The following SMURF1 variants were observed in gnomAD, a reference collection of about 807,000 sequenced individuals.
SMURF1 encodes the protein E3 ubiquitin-protein ligase SMURF1.
SMURF1 carries 44 observed loss-of-function variants against 98.0 expected under a neutral mutation model. The ratio of observed to expected loss-of-function variants is 0.45; its 90% CI spans 0.35 to 0.58. The LOEUF is 0.58. SMURF1 is among the 20% of genes least tolerant of loss of function. The probability of loss-of-function intolerance (pLI) is 0.00; values close to 1 mark genes in which losing one functional copy is unlikely to be tolerated. For missense variants in SMURF1, 687 were observed against 938.4 expected (o/e 0.73, Z 3.50); for synonymous variants, 396 against 374.9 (o/e 1.06, Z -0.65).
At chr7:99,117,452 G>A (rs1267212414) in intron 1 of SMURF1, among the ~76,000 whole-genome samples, 6 of 152,004 alleles carry the variant, frequency 3.9e-5, no homozygotes, top group Admixed American at 1.3e-4. Flanking sequence ...GGGTTCAAGC[G>A]ATTCTCCTGT....
intron 1 of SMURF1, among the ~76,000 whole-genome samples, chr7:99,137,550 T>C (rs1798020088): frequency 6.6e-6 from 1 of 152,196 alleles, no homozygotes. Context: ...GACATGCTCC[T>C]CCAGACTCCT....
intron 1 of SMURF1, among the ~76,000 whole-genome samples, chr7:99,102,288 CTCTAAAGAGT>C (rs1180106595): frequency 6.6e-6 from 1 of 152,140 alleles, no homozygotes; most frequent in African/African-American, 2.4e-5. Flanking sequence ...ACGCATCTGT[CTCTAAAGAGT>C]TTTGAAAGAG....
chr7:99,105,341 C>T (rs902384145), intron 1 of SMURF1, among the ~76,000 whole-genome samples: 4 of 152,150 alleles, frequency 2.6e-5, no homozygotes, highest in African/African-American at 9.7e-5. Flanking sequence ...ATATAGAATA[C>T]ATAAGCTACA....
chr7:99,133,009 C>G (rs1441125724), intron 1 of SMURF1, among the ~76,000 whole-genome samples: 1 of 152,052 alleles, frequency 6.6e-6, no homozygotes, highest in Non-Finnish European at 1.5e-5. Context: ...AAAGGGATAG[C>G]TCCAAGGAGG....
intron 3 of SMURF1, 53 bp from the exon 4 acceptor site, chr7:99,057,604 T>A: frequency 1.4e-6 from 2 of 1,407,718 alleles, no homozygotes; most frequent in Non-Finnish European, 1.8e-6. Flanking sequence ...TTTTTTGTTT[T>A]GTTTTTTTTT....
intron 1 of SMURF1, among the ~76,000 whole-genome samples, chr7:99,135,022 T>G (rs1432233452): frequency 6.6e-6 from 1 of 152,228 alleles, no homozygotes; most frequent in African/African-American, 2.4e-5. Context: ...AATTTTATTC[T>G]GTAGAACCCA....
At chr7:99,036,213 C>T (rs1795132906) in intron 15 of SMURF1, 5 of 175,866 alleles carry the variant, frequency 2.8e-5, no homozygotes, top group Admixed American at 1.7e-4. Context: ...CAGTGGCTCA[C>T]GCCTGTAGTC....
intron 9 of SMURF1, chr7:99,048,186 G>A (rs1050738249): frequency 1.1e-4 from 37 of 349,718 alleles, no homozygotes; most frequent in South Asian, 7.7e-4. Flanking sequence ...TCAGGAGTTC[G>A]AGACCAGCCT....
At position 99,058,129 on chromosome 7, in the gene SMURF1, A is replaced by T. The variant is rs892567329; in HGVS notation, c.204-578T>A. ...GACTTACTATATTTTATTTATTTTT[A>T]TTTATTTTTTTATTTTTTTGAGACG... On this transcript the variant is annotated intron_variant, in intron 3 of 17. Transcript: ENST00000361368. Among the ~76,000 whole-genome samples the T allele has an allele frequency of 1.1e-4, 16 of 151,796 alleles. No individual in the cohort carries two copies. The East Asian group carries it at 1.4e-3, about 13-fold the overall frequency.
intron 16 of SMURF1, 147 bp downstream of exon 16, chr7:99,035,368 T>C (rs1795095751): frequency 1.6e-5 from 16 of 1,019,364 alleles, no homozygotes; most frequent in Non-Finnish European, 2.3e-5. Flanking sequence ...ACCACCTCTG[T>C]AGGGCAGAGC....
intron 11 of SMURF1, among the ~76,000 whole-genome samples, chr7:99,042,994 G>GGC (rs1795444240): frequency 6.6e-6 from 1 of 152,166 alleles, no homozygotes; most frequent in African/African-American, 2.4e-5. Flanking sequence ...GAAGAGATGA[G>GGC]ACTCCGAATC....
At position 99,052,421 on chromosome 7, in the gene SMURF1, C is replaced by T; in HGVS notation, c.505G>A (p.Gly169Arg). Reference sequence around the variant, plus strand: ...TCCATGAAGCAGCTGAGCGGCCTCCCAGGCCCGGAGTCTTCATACACCGTT... The same window carrying T: ...TCCATGAAGCAGCTGAGCGGCCTCCTAGGCCCGGAGTCTTCATACACCGTT... ...EGTVYEDSGP[G>R]RPLSCFMEEP... Residue 169 changes from glycine (G) to arginine (R), a missense_variant, in exon 7 of 18, where the codon GGG becomes AGG. Coordinates refer to ENST00000361368, the MANE Select transcript of SMURF1 (RefSeq NM_181349.3). 1 of 1,589,594 alleles carries T rather than the reference C, an allele frequency of 6.3e-7. No individual in the cohort carries two copies. Among genetic ancestry groups the T allele is most frequent in the African/African-American group, 1.3e-5 (1 of 74,492 alleles).
At chr7:99,037,726 C>T (rs1795201523) in intron 14 of SMURF1, among the ~76,000 whole-genome samples, 1 of 152,190 alleles carries the variant, frequency 6.6e-6, no homozygotes, top group Non-Finnish European at 1.5e-5. Flanking sequence ...GAGGATTGAA[C>T]CTGATCTGTC....
chr7:99,086,090 A>C (rs1424125314), intron 1 of SMURF1, among the ~76,000 whole-genome samples: 1 of 152,212 alleles, frequency 6.6e-6, no homozygotes, highest in Admixed American at 6.5e-5. Context: ...TCACACCTGT[A>C]TTCCCAGCAT....
At chr7:99,134,425 C>A (rs1427413015) in intron 1 of SMURF1, among the ~76,000 whole-genome samples, 1 of 152,050 alleles carries the variant, frequency 6.6e-6, no homozygotes, top group Admixed American at 6.5e-5. Context: ...CAGGTATGAA[C>A]AGGCAGCAAG....
intron 1 of SMURF1, among the ~76,000 whole-genome samples, chr7:99,066,858 GGTTAA>G (rs1796208192): frequency 6.6e-6 from 1 of 151,792 alleles, no homozygotes; most frequent in Non-Finnish European, 1.5e-5. Context: ...TTCTGAATGT[GGTTAA>G]GTTAATGGTA....
intron 2 of SMURF1, 56 bp downstream of exon 2, chr7:99,061,743 A>AT: frequency 7.1e-7 from 1 of 1,402,892 alleles, no homozygotes. Context: ...AAAGTTTAAA[A>AT]TTTCAGAAAT....
In SMURF1 at chr7:99,105,258, A is replaced by G. The variant is rs528620664; in HGVS notation, c.55+38468T>C. Among the ~76,000 whole-genome samples, 14 of 152,358 alleles carry G rather than the reference A, an allele frequency of 9.2e-5. 1 individual carries two copies. The South Asian group carries it at 2.9e-3, about 32-fold the overall frequency. ...TCTGAAAGAAAGACATTTTTATCAC[A>G]ACGAAAATTCCACTGTGAGAGTCTT... is the stretch of plus-strand genomic sequence containing the variant. On this transcript the variant is annotated intron_variant, in intron 1 of 17. Coordinates refer to ENST00000361368, the MANE Select transcript of SMURF1 (RefSeq NM_181349.3).
chr7:99,085,988 G>C (rs1243408022), intron 1 of SMURF1, among the ~76,000 whole-genome samples: 3 of 152,152 alleles, frequency 2.0e-5, no homozygotes, highest in South Asian at 2.1e-4. Flanking sequence ...GGTCAATAAA[G>C]CTCATAAAAG....
Sources: gnomAD v4.1 joint callset for allele counts (sites outside exome capture counted in the v4.1 genomes callset) on GRCh38, gnomAD v4.1.1 for gene constraint, MANE v1.5 for transcripts, NCBI Gene and HGNC (gene_info 2026-07-23, HGNC 2026-07-21) for gene names.